The following MAST3 variants were observed in gnomAD, a reference collection of about 807,000 sequenced individuals.
The protein encoded by MAST3 is microtubule associated serine/threonine kinase 3.
In MAST3, 43 loss-of-function variants were observed where a neutral mutation model predicts 127.0. The ratio of observed to expected loss-of-function variants is 0.34; its 90% CI spans 0.27 to 0.44. MAST3 has a LOEUF of 0.44. MAST3 is among the 20% of genes least tolerant of loss of function. The pLI is 1.00. For missense variants in MAST3, 1,390 were observed against 1,919.1 expected (o/e 0.72, Z 5.15); for synonymous variants, 785 against 809.2 (o/e 0.97, Z 0.51).
chr19:18,122,641 T>A, intron 5 of MAST3, 32 bp from the exon 6 acceptor site: 1 of 1,595,242 alleles, frequency 6.3e-7, no homozygotes, highest in East Asian at 2.2e-5. Flanking sequence ...GGGCCAGGCC[T>A]TCCTTCCATC....
intron 1 of MAST3, among the ~76,000 whole-genome samples, 165 bp from the exon 2 acceptor site, chr19:18,107,422 C>T (rs1023166367): frequency 2.0e-5 from 3 of 151,916 alleles, no homozygotes; most frequent in Admixed American, 6.6e-5. Flanking sequence ...AGAGAGCGCA[C>T]AGATAGCGCA....
chr19:18,117,370 A>C (rs929950480), intron 3 of MAST3, among the ~76,000 whole-genome samples: 2 of 152,174 alleles, frequency 1.3e-5, no homozygotes, highest in Admixed American at 1.3e-4. Flanking sequence ...GCTGGAGTTC[A>C]ATCAGGTGGC....
chr19:18,108,965 A>G (rs2095871639), intron 2 of MAST3, among the ~76,000 whole-genome samples: 2 of 152,166 alleles, frequency 1.3e-5, no homozygotes, highest in African/African-American at 4.8e-5. Flanking sequence ...TACTCAGGAG[A>G]GAGCTCAACC....
At chr19:18,116,288 TTTTA>T (rs765744259) in intron 3 of MAST3, among the ~76,000 whole-genome samples, 1 of 150,286 alleles carries the variant, frequency 6.7e-6, no homozygotes, top group East Asian at 2.0e-4. Flanking sequence ...TTCTTTTATT[TTTTA>T]TTTTTTTTTA....
chr19:18,145,368 G>C lies in MAST3; in HGVS notation c.3039+139G>C. The C allele has an allele frequency of 1.2e-6, 1 of 803,134 alleles. No individual in the cohort carries two copies. The highest frequency in any genetic ancestry group is 1.7e-5 in the African/African-American group (1 of 58,996). 49.8% of individuals were successfully genotyped at this position (803,134 alleles called of 1,614,324 possible). A position where few individuals can be genotyped will look rare whatever the true frequency, so the allele number is the denominator to read the frequency against. On this transcript the variant is annotated intron_variant, in intron 24 of 27. Transcript: ENST00000687212. The surrounding 1 kb of genome is among the most constrained non-coding windows in gnomAD (Gnocchi z 5.9). The stretch of plus-strand genomic sequence containing the variant: ...TGCCACCGAGTTCATCTCGGTCCCT[G>C]TCATTTGGCAGGGAGGAGGTCAGAT...
chr19:18,140,570 A>G (rs1335471184), intron 20 of MAST3, among the ~76,000 whole-genome samples: 1 of 152,112 alleles, frequency 6.6e-6, no homozygotes, highest in Non-Finnish European at 1.5e-5. Context: ...GGCATTTCAT[A>G]TCAATGCAAT....
intron 7 of MAST3, 66 bp from the exon 8 acceptor site, chr19:18,123,513 TC>T: frequency 6.8e-7 from 1 of 1,466,900 alleles, no homozygotes. Context: ...CTGGCTCAGA[TC>T]CCCCAACATC....
At chr19:18,098,673 G>A (rs556990889) in intron 1 of MAST3, 20 of 455,216 alleles carry the variant, frequency 4.4e-5, no homozygotes, top group South Asian at 3.1e-4. Context: ...ATTAAGATTT[G>A]GCCATTTTCC....
chr19:18,097,804 G>T lies in MAST3; in HGVS notation c.12G>T (p.Ser4=). 2 of 1,224,728 alleles carry T rather than the reference G, an allele frequency of 1.6e-6. No individual in the cohort carries two copies. The highest frequency in any genetic ancestry group is 2.0e-6 in the Non-Finnish European group (2 of 983,724). The allele number at this position is 1,224,728 out of a possible 1,614,324, so 75.9% of individuals were successfully genotyped here. MDE[S]SLLRRRGLQK... ...CGGACTCCCGGGCCATGGACGAGTCGAGCCTCCTGCGGCGCCGCGGGCTCC... is the reference window on the plus strand; with the variant it reads ...CGGACTCCCGGGCCATGGACGAGTCTAGCCTCCTGCGGCGCCGCGGGCTCC... Residue 4 remains serine, a synonymous_variant, in exon 1 of 28, where the codon TCG becomes TCT. Transcript: ENST00000687212.
chr19:18,126,106 C>T (rs1044180026), intron 11 of MAST3, among the ~76,000 whole-genome samples: 6 of 152,034 alleles, frequency 3.9e-5, no homozygotes, highest in African/African-American at 1.4e-4. Flanking sequence ...CCTGTAGTCC[C>T]AGCTACTCAG....
chr19:18,145,909 C>T lies in MAST3; in HGVS notation c.3162+44C>T, dbSNP rs770610507. ...CCACCCTCAGGGCTCCCCAGCACCC[C>T]TTGGCCGCAGCTCCCGGTTCCCCGT... On this transcript the variant is annotated intron_variant, in intron 25 of 27. Transcript: ENST00000687212. This position sits in a 1 kb window ranked among gnomAD's most constrained non-coding sequence, Gnocchi z 5.9. 3.9e-6 allele frequency: 6 copies of T among 1,531,936 alleles called. No homozygotes were observed. The Admixed American group carries it at 9.6e-5, about 24-fold the overall frequency. 94.9% of individuals were successfully genotyped at this position (1,531,936 alleles called of 1,614,324 possible). A position where few individuals can be genotyped will look rare whatever the true frequency, so the allele number is the denominator to read the frequency against.
intron 3 of MAST3, among the ~76,000 whole-genome samples, chr19:18,113,809 G>A (rs560820030): frequency 1.4e-4 from 21 of 152,188 alleles, no homozygotes; most frequent in South Asian, 4.1e-4. Flanking sequence ...TGTTGACCAG[G>A]CTGGTCTTGA....
chr19:18,106,591 G>A (rs1391777516), intron 1 of MAST3, among the ~76,000 whole-genome samples: 1 of 143,258 alleles, frequency 7.0e-6, no homozygotes, highest in Non-Finnish European at 1.6e-5. Flanking sequence ...TTATTTTTGA[G>A]ATGGAGTTTC....
At position 18,110,479 on chromosome 19, in the gene MAST3, A is replaced by T; in HGVS notation, c.72-173A>T. ...CAGAAACGCACCGCCGCCTCCGGGGAGCCCTCCCGGGCCATCGGTCTGGCC... is the reference window on the plus strand; with the variant it reads ...CAGAAACGCACCGCCGCCTCCGGGGTGCCCTCCCGGGCCATCGGTCTGGCC... On this transcript the variant is annotated intron_variant, in intron 2 of 27. Transcript: ENST00000687212. The surrounding 1 kb of genome is among the most constrained non-coding windows in gnomAD (Gnocchi z 4.3). 2.1e-6 allele frequency: 2 copies of T among 951,244 alleles called. No homozygotes were observed. Among genetic ancestry groups the T allele is most frequent in the Non-Finnish European group, 2.5e-6 (2 of 798,494 alleles). The allele number at this position is 951,244 out of a possible 1,614,324, so 58.9% of individuals were successfully genotyped here. A position where few individuals can be genotyped will look rare whatever the true frequency, so the allele number is the denominator to read the frequency against.
At position 18,144,714 on chromosome 19, in the gene MAST3, C is replaced by T; in HGVS notation, c.2812+21C>T. On this transcript the variant is annotated intron_variant, in intron 23 of 27. Transcript: ENST00000687212. The surrounding 1 kb of genome is among the most constrained non-coding windows in gnomAD (Gnocchi z 4.0). ...GGCAGGTAATGCCCAAGGCCCCTCT[C>T]ACCTTTGTCTGTCTGCACCCATTTT... 1 of 1,602,120 alleles carries T rather than the reference C, an allele frequency of 6.2e-7. No individual in the cohort carries two copies. The highest frequency in any genetic ancestry group is 8.5e-7 in the Non-Finnish European group (1 of 1,178,632).
intron 13 of MAST3, 25 bp downstream of exon 13, chr19:18,128,976 C>A (rs748231150): frequency 1.3e-6 from 2 of 1,599,470 alleles, no homozygotes; most frequent in Non-Finnish European, 8.6e-7. Context: ...CCTGCATAGA[C>A]CCATTTCACA....
intron 27 of MAST3, among the ~76,000 whole-genome samples, 164 bp downstream of exon 27, chr19:18,147,788 A>G (rs1566028): frequency 0.93 from 141,558 of 152,260 alleles, 65,851 homozygotes; most frequent in East Asian, 0.97. Context: ...TTAGAGACGA[A>G]TGCAGGTGCC....
intron 11 of MAST3, among the ~76,000 whole-genome samples, chr19:18,127,871 T>A (rs945175160): frequency 2.0e-5 from 3 of 151,912 alleles, no homozygotes; most frequent in African/African-American, 7.3e-5. Flanking sequence ...ATAAATAAAT[T>A]AAATAATCAT....
chr19:18,128,352 AG>A, intron 11 of MAST3, 47 bp from the exon 12 acceptor site: 1 of 1,467,218 alleles, frequency 6.8e-7, no homozygotes. Flanking sequence ...TGGGTGATGC[AG>A]GGTGAGGCAG....
Sources: allele counts gnomAD v4.1 joint callset (sites outside exome capture counted in the v4.1 genomes callset), GRCh38; gene constraint gnomAD v4.1.1; non-coding constraint Gnocchi (gnomAD v3.1); transcripts MANE v1.5; gene names NCBI Gene and HGNC (gene_info 2026-07-23, HGNC 2026-07-21).